COL19A1: variants seen among roughly 807,000 people sequenced by gnomAD.
The protein encoded by COL19A1 is collagen type XIX alpha 1 chain.
A neutral mutation model predicts 190.2 loss-of-function variants in COL19A1; 159 were observed. That is an observed-to-expected ratio of 0.84 (90% CI 0.73 to 0.95). The LOEUF is 0.95. COL19A1 is among the 40% of genes least tolerant of loss of function. COL19A1 has a pLI of 0.00. For synonymous variants in COL19A1, 509 were observed against 458.9 expected (o/e 1.11, Z -1.39); for missense variants, 1,418 against 1,431.9 (o/e 0.99, Z 0.16).
At chr6:69,944,273 T>C (rs1279581426) in intron 9 of COL19A1, among the ~76,000 whole-genome samples, 2 of 152,176 alleles carry the variant, frequency 1.3e-5, no homozygotes, top group Non-Finnish European at 2.9e-5. Flanking sequence ...TGACACATTG[T>C]CATCACGCAT....
In COL19A1 at chr6:70,021,470, C is replaced by A. The variant is rs192662337; in HGVS notation, c.1027-2157C>A. ...ACATTCTGGGAGTTAATATTGGTAT[C>A]CATGGAATTATATGTGTCTTCTGTG... On this transcript the variant is annotated intron_variant, in intron 11 of 50. Coordinates refer to ENST00000620364, the MANE Select transcript of COL19A1 (RefSeq NM_001858.6). 2.7e-3 allele frequency among the ~76,000 whole-genome samples: 409 copies of A among 152,122 alleles called. 3 individuals carry two copies. The highest frequency in any genetic ancestry group is 9.2e-3 in the African/African-American group (383 of 41,504).
chr6:70,210,977 C>A lies in COL19A1; in HGVS notation c.*3703C>A, dbSNP rs1468782643. ...TAACTAGTCATAACTGTTTATACAC[C>A]ACTCTCATATTTTAGTGATCAATAT... On this transcript the variant is annotated 3_prime_UTR_variant, in exon 51 of 51. Coordinates refer to ENST00000620364, the MANE Select transcript of COL19A1 (RefSeq NM_001858.6). Among the ~76,000 whole-genome samples, 1 of 151,952 alleles carries A rather than the reference C, an allele frequency of 6.6e-6. No homozygotes were observed. Among genetic ancestry groups the A allele is most frequent in the Non-Finnish European group, 1.5e-5 (1 of 67,966 alleles).
chr6:70,161,471 T>TAA (rs1787798917), intron 34 of COL19A1, among the ~76,000 whole-genome samples: 1 of 152,170 alleles, frequency 6.6e-6, no homozygotes, highest in Non-Finnish European at 1.5e-5. Context: ...TCTTACTCTT[T>TAA]AAAACTGAGT....
At chr6:69,940,581 G>C (rs1355057413) in intron 9 of COL19A1, among the ~76,000 whole-genome samples, 5 of 152,118 alleles carry the variant, frequency 3.3e-5, no homozygotes, top group Admixed American at 3.3e-4. Flanking sequence ...CTTCTCATCT[G>C]CAGTATGTTT....
chr6:70,001,497 A>T (rs978902947), intron 11 of COL19A1, among the ~76,000 whole-genome samples: 1 of 152,192 alleles, frequency 6.6e-6, no homozygotes, highest in South Asian at 2.1e-4. Flanking sequence ...CTTCCTATCC[A>T]TAAGCATGGA....
At chr6:69,961,217 C>T (rs1414734417) in intron 10 of COL19A1, among the ~76,000 whole-genome samples, 1 of 152,116 alleles carries the variant, frequency 6.6e-6, no homozygotes, top group African/African-American at 2.4e-5. Context: ...TTCTCTATAG[C>T]TGAAAATATC....
intron 42 of COL19A1, among the ~76,000 whole-genome samples, chr6:70,179,170 A>G (rs1328061236): frequency 1.3e-5 from 2 of 152,076 alleles, no homozygotes; most frequent in African/African-American, 2.4e-5. Context: ...CTGCCTGCCT[A>G]GCTTTGCCAT....
At chr6:70,169,915 A>C (rs1765400734) in intron 40 of COL19A1, among the ~76,000 whole-genome samples, 1 of 152,188 alleles carries the variant, frequency 6.6e-6, no homozygotes, top group African/African-American at 2.4e-5. Context: ...TAATAACTGC[A>C]GATTAAGATA....
rs368431472 is a variant in COL19A1, at chr6:70,167,181, T to C, written c.2446-844T>C. ...TCTTCCATCACTAGTGTTTGGAAGATGCATGCAAATTGTCTTCACAGAACA... is the reference window on the plus strand; with the variant it reads ...TCTTCCATCACTAGTGTTTGGAAGACGCATGCAAATTGTCTTCACAGAACA... On this transcript the variant is annotated intron_variant, in intron 37 of 50. Coordinates refer to ENST00000620364, the MANE Select transcript of COL19A1 (RefSeq NM_001858.6). Among the ~76,000 whole-genome samples the C allele has an allele frequency of 3.9e-5, 6 of 152,306 alleles. No homozygotes were observed. In the East Asian group the frequency reaches 1.2e-3, roughly 29 times the overall value.
rs115747419 is a variant in COL19A1 at position 70,053,729 on chromosome 6, C to G, written c.1171-14694C>G. On this transcript the variant is annotated intron_variant, in intron 14 of 50. Transcript: ENST00000620364. ...GATATCATATTTCTAACATTTTTAA[C>G]GTTCAGTCTTTTTTGTCAATATAAA... Among the ~76,000 whole-genome samples the G allele has an allele frequency of 3.7e-3, 563 of 152,212 alleles. 11 individuals carry two copies. Among genetic ancestry groups the G allele is most frequent in the African/African-American group, 0.013 (534 of 41,558 alleles).
In COL19A1 at chr6:70,180,520, G is replaced by C. The variant is rs36095199; in HGVS notation, c.2772G>C (p.Lys924Asn). Reference sequence around the variant, plus strand: ...CTGGACCAGAAGGACCCTCAGGAAAGCCAGTAAGTACTTCTTACTACTTAA... The same window carrying C: ...CTGGACCAGAAGGACCCTCAGGAAACCCAGTAAGTACTTCTTACTACTTAA... ...GFPGPEGPSGKPGINGKDGIP... is the reference protein window; with the variant it reads ...GFPGPEGPSGNPGINGKDGIP... The change falls in exon 44 of 51, where the codon AAG becomes AAC. Residue 924 changes from lysine to asparagine, a missense_variant. Transcript: ENST00000620364. 3.3e-5 allele frequency: 53 copies of C among 1,614,092 alleles called. No individual in the cohort carries two copies. The African/African-American group carries it at 6.1e-4, about 19-fold the overall frequency.
At chr6:70,179,608 G>A (rs1766037023) in intron 42 of COL19A1, among the ~76,000 whole-genome samples, 1 of 152,158 alleles carries the variant, frequency 6.6e-6, no homozygotes, top group South Asian at 2.1e-4. Flanking sequence ...GCCCTCTTGT[G>A]AATCTCAAAG....
At chr6:70,151,357 A>G (rs760625737) in intron 30 of COL19A1, 40 bp from the exon 31 acceptor site, 55 of 1,593,342 alleles carry the variant, frequency 3.5e-5, no homozygotes, top group Non-Finnish European at 4.6e-5. Context: ...TTGTGTTCAT[A>G]TATAAATGCA....
chr6:70,132,804 A>T (rs1266139348), intron 18 of COL19A1, among the ~76,000 whole-genome samples: 1 of 152,188 alleles, frequency 6.6e-6, no homozygotes, highest in East Asian at 1.9e-4. Flanking sequence ...GAGCTTTGGG[A>T]CAAAAAGTTG....
intron 2 of COL19A1, among the ~76,000 whole-genome samples, chr6:69,896,770 G>A (rs913231725): frequency 6.6e-6 from 1 of 152,104 alleles, no homozygotes; most frequent in Non-Finnish European, 1.5e-5. Context: ...TATGTGGGTT[G>A]AACATTTGGA....
intron 14 of COL19A1, among the ~76,000 whole-genome samples, chr6:70,058,092 A>G (rs1052923490): frequency 3.3e-5 from 5 of 152,104 alleles, no homozygotes; most frequent in African/African-American, 1.2e-4. Flanking sequence ...TTCAATTAAA[A>G]ATGTTTTTAG....
intron 16 of COL19A1, among the ~76,000 whole-genome samples, chr6:70,116,755 C>A (rs1784603852): frequency 6.6e-6 from 1 of 152,114 alleles, no homozygotes; most frequent in Admixed American, 6.6e-5. Flanking sequence ...AAGGACTTTC[C>A]AACAAGCATT....
chr6:69,871,463 A>G (rs1185704710), intron 1 of COL19A1, among the ~76,000 whole-genome samples: 1 of 152,220 alleles, frequency 6.6e-6, no homozygotes, highest in Non-Finnish European at 1.5e-5. Flanking sequence ...CTCTGAAAAC[A>G]TGAGTTCTTT....
rs545315145 is a variant in COL19A1 at position 70,052,129 on chromosome 6, C to T, written c.1170+16190C>T. On this transcript the variant is annotated intron_variant, in intron 14 of 50. Transcript: ENST00000620364. ...GAAAACTGCAACAGACTCAGTGTGT[C>T]TCCGACTTTGGCCCAAGTGGGCAAC... Among the ~76,000 whole-genome samples, 16 of 152,210 alleles carry T rather than the reference C, an allele frequency of 1.1e-4. No homozygotes were observed. In the East Asian group the frequency reaches 2.9e-3, roughly 28 times the overall value.
Sources: allele counts gnomAD v4.1 joint callset (sites outside exome capture counted in the v4.1 genomes callset), GRCh38; gene constraint gnomAD v4.1.1; transcripts MANE v1.5; gene names NCBI Gene and HGNC (gene_info 2026-07-23, HGNC 2026-07-21).